Variants in NLRP11 observed in about 807,000 individuals in gnomAD.
The protein encoded by NLRP11 is NLR family pyrin domain containing 11, also known as NACHT, LRR and PYD domains-containing protein 11.
A neutral mutation model predicts 79.3 loss-of-function variants in NLRP11; 53 were observed. The observed-to-expected ratio is 0.67, with a 90% CI of 0.54 to 0.84. The LOEUF (loss-of-function observed/expected upper bound fraction) is 0.84. NLRP11 is among the 40% of genes least tolerant of loss of function. The pLI, the probability that NLRP11 is intolerant of heterozygous loss-of-function variation, is 0.00. For synonymous variants in NLRP11, 518 were observed against 462.6 expected (o/e 1.12, Z -1.54); for missense variants, 1,264 against 1,255.0 (o/e 1.01, Z -0.11).
At chr19:55,828,055 G>T (rs1376564678) in intron 1 of NLRP11, among the ~76,000 whole-genome samples, 1 of 149,414 alleles carries the variant, frequency 6.7e-6, no homozygotes, top group Non-Finnish European at 1.5e-5. Flanking sequence ...AGAAAATGTG[G>T]CACATATACA....
intron 5 of NLRP11, among the ~76,000 whole-genome samples, chr19:55,799,958 ACT>A (rs1353552709): frequency 6.6e-6 from 1 of 152,084 alleles, no homozygotes; most frequent in Non-Finnish European, 1.5e-5. Flanking sequence ...AAAGAGTGAA[ACT>A]CTGTCTCAAA....
chr19:55,786,926 A>T (rs151234935), intron 9 of NLRP11, among the ~76,000 whole-genome samples: 219 of 152,326 alleles, frequency 1.4e-3, no homozygotes, highest in African/African-American at 5.2e-3. Context: ...CTCAATATCC[A>T]TATTTATGAA....
intron 5 of NLRP11, among the ~76,000 whole-genome samples, chr19:55,796,715 C>T (rs1005094944): frequency 1.3e-5 from 2 of 149,404 alleles, no homozygotes; most frequent in African/African-American, 5.0e-5. Flanking sequence ...GAGATGGAGT[C>T]TTGCTCTGTC....
At chr19:55,803,641 G>A (rs1408415399) in intron 4 of NLRP11, among the ~76,000 whole-genome samples, 2 of 151,970 alleles carry the variant, frequency 1.3e-5, no homozygotes, top group Non-Finnish European at 2.9e-5. Flanking sequence ...GTGGGCAAAG[G>A]GTATAACAGA....
At chr19:55,801,734 G>T (rs1210255362) in exon 5 of NLRP11, 1 of 1,613,998 alleles carries the variant, frequency 6.2e-7, no homozygotes, top group Admixed American at 1.7e-5. Flanking sequence ...CGAGACATAG[G>T]ACAACCTGTG....
intron 2 of NLRP11, among the ~76,000 whole-genome samples, chr19:55,811,842 A>G (rs1980631833): frequency 6.6e-6 from 1 of 152,058 alleles, no homozygotes. Context: ...TTTTCTTGTT[A>G]TGCAGTTCCT....
upstream of NLRP11, among the ~76,000 whole-genome samples, chr19:55,835,716 C>A (rs1267108152): frequency 6.7e-6 from 1 of 149,334 alleles, no homozygotes; most frequent in Non-Finnish European, 1.5e-5. Flanking sequence ...GGCACAGTGG[C>A]TCATGCCTGT....
intron 2 of NLRP11, among the ~76,000 whole-genome samples, chr19:55,813,137 G>A (rs1980768754): frequency 6.6e-6 from 1 of 152,072 alleles, no homozygotes; most frequent in Non-Finnish European, 1.5e-5. Flanking sequence ...AGACCAGCCT[G>A]GCCAACATGC....
intron 2 of NLRP11, among the ~76,000 whole-genome samples, chr19:55,816,522 T>C (rs1981128075): frequency 6.6e-6 from 1 of 152,206 alleles, no homozygotes. Context: ...TACATGATTT[T>C]ATCTATTTTA....
chr19:55,792,891 T>G (rs1355521075), intron 6 of NLRP11, among the ~76,000 whole-genome samples: 1 of 152,192 alleles, frequency 6.6e-6, no homozygotes, highest in Non-Finnish European at 1.5e-5. Flanking sequence ...TGGGAAAAAG[T>G]GGAGACAGAC....
chr19:55,829,202 T>A (rs1479094469), intron 1 of NLRP11, among the ~76,000 whole-genome samples: 1 of 47,826 alleles, frequency 2.1e-5, no homozygotes, highest in African/African-American at 2.3e-4. Flanking sequence ...AATATTGCAT[T>A]TTTTTTTTTT....
chr19:55,835,503 C>A (rs1410195349), upstream of NLRP11, among the ~76,000 whole-genome samples: 2 of 150,984 alleles, frequency 1.3e-5, no homozygotes, highest in African/African-American at 4.9e-5. Flanking sequence ...GGGTTCGAGA[C>A]CAGCCTGGCC....
At chr19:55,789,932 C>G (rs1281240591) in intron 7 of NLRP11, among the ~76,000 whole-genome samples, 2 of 152,166 alleles carry the variant, frequency 1.3e-5, no homozygotes, top group East Asian at 3.9e-4. Context: ...ATTCACGTCT[C>G]CCCCATTATC....
At chr19:55,831,143 C>T (rs1183245923) in intron 1 of NLRP11, among the ~76,000 whole-genome samples, 6 of 128,746 alleles carry the variant, frequency 4.7e-5, no homozygotes, top group Non-Finnish European at 6.5e-5. Flanking sequence ...ACCAACTGAG[C>T]GGACCCCCTC....
rs780325706 is a variant in NLRP11 at position 55,809,782 on chromosome 19, G to A, written c.828C>T (p.Ser276=). The stretch of plus-strand genomic sequence containing the variant: ...CATTATTCCCACGTGTGGGCCTTGA[G>A]GAGATGAGGAACCAGCAGCCTGGAG... Residue 276 remains serine (S), a synonymous_variant, in exon 3 of 10, where the codon TCC becomes TCT. Coordinates refer to ENST00000589093, the Ensembl canonical transcript of NLRP11. This position sits in a 1 kb window ranked among gnomAD's most constrained non-coding sequence, Gnocchi z 4.5. 1.9e-5 allele frequency: 31 copies of A among 1,614,056 alleles called. No homozygotes were observed. Among genetic ancestry groups the A allele is most frequent in the Non-Finnish European group, 2.5e-5 (30 of 1,180,024 alleles).
rs1441810883 is a variant in NLRP11 at position 55,785,499 on chromosome 19, A to T, written c.*126T>A. The stretch of plus-strand genomic sequence containing the variant: ...GTGGTTGACTGGATCAAGGTCACAC[A>T]CACACACACACACACACACACACAC... On this transcript the variant is annotated 3_prime_UTR_variant, in exon 10 of 10. Coordinates refer to ENST00000589093, the Ensembl canonical transcript of NLRP11. The T allele has an allele frequency of 1.1e-4, 37 of 343,868 alleles. No homozygotes were observed. In the African/African-American group the frequency reaches 1.2e-3, roughly 11 times the overall value. 21.3% of individuals were successfully genotyped at this position (343,868 alleles called of 1,614,324 possible). A position where few individuals can be genotyped will look rare whatever the true frequency, so the allele number is the denominator to read the frequency against.
exon 4 of NLRP11, chr19:55,807,902 T>C (rs764400117): frequency 6.2e-7 from 1 of 1,612,926 alleles, no homozygotes; most frequent in African/African-American, 1.3e-5. Context: ...TTAGACAGAA[T>C]CCTTTCTGAA....
At chr19:55,802,182 G>A (rs1285434371) in intron 4 of NLRP11, among the ~76,000 whole-genome samples, 2 of 151,910 alleles carry the variant, frequency 1.3e-5, no homozygotes, top group African/African-American at 4.8e-5. Flanking sequence ...TCAGGCAAGA[G>A]GAAGAAATAA....
In NLRP11 at chr19:55,821,203, T is replaced by TCACACA. The variant is rs1211992513; in HGVS notation, c.-62-2968_-62-2967insTGTGTG. Among the ~76,000 whole-genome samples the TCACACA allele has an allele frequency of 6.8e-3, 767 of 113,152 alleles. 3 individuals are homozygous for TCACACA. The highest frequency in any genetic ancestry group is 0.012 in the East Asian group (46 of 3,884). The allele number at this position is 113,152 out of a possible 152,430, so 74.2% of individuals were successfully genotyped here. On this transcript the variant is annotated intron_variant, in intron 1 of 9. Coordinates refer to ENST00000589093, the Ensembl canonical transcript of NLRP11. ...CTATGTGACCAGCTCTCTCTCTCTC[T>TCACACA]CTCACACACACACACACACACACAC...
Sources: gnomAD v4.1 joint callset for allele counts (sites outside exome capture counted in the v4.1 genomes callset) on GRCh38, gnomAD v4.1.1 for gene constraint, Gnocchi (gnomAD v3.1) non-coding constraint, MANE v1.5 for transcripts, NCBI Gene and HGNC (gene_info 2026-07-23, HGNC 2026-07-21) for gene names.